CEP112: variants seen among roughly 807,000 people sequenced by gnomAD.
The protein encoded by CEP112 is centrosomal protein of 112 kDa.
In CEP112, 127 loss-of-function variants were observed where a neutral mutation model predicts 153.0. The observed-to-expected ratio is 0.83, with a 90% CI of 0.72 to 0.96. CEP112 has a LOEUF of 0.96. Among genes scored for constraint, CEP112 ranks in the 40% least tolerant of loss-of-function variants. The probability of loss-of-function intolerance (pLI) is 0.00; values close to 1 mark genes in which losing one functional copy is unlikely to be tolerated. For synonymous variants in CEP112, 358 were observed against 374.4 expected (o/e 0.96, Z 0.51); for missense variants, 1,089 against 1,101.2 (o/e 0.99, Z 0.16).
intron 18 of CEP112, among the ~76,000 whole-genome samples, chr17:65,949,375 A>T (rs1030688592): frequency 1.2e-4 from 18 of 152,196 alleles, no homozygotes; most frequent in African/African-American, 4.3e-4. Flanking sequence ...AACAGAAGAC[A>T]ACCAAAATAA....
intron 21 of CEP112, among the ~76,000 whole-genome samples, chr17:65,807,601 C>T (rs1057512937): frequency 6.6e-6 from 1 of 152,178 alleles, no homozygotes; most frequent in Non-Finnish European, 1.5e-5. Context: ...GGGGACATGG[C>T]ACCCTGTATC....
In CEP112 at chr17:66,078,616, G is replaced by A. The variant is rs774748343; in HGVS notation, c.769-8615C>T. ...TTACATGCAATGTTAGTATTGAAAT[G>A]TGAGGTACCATTGCATTCATCATGC... On this transcript the variant is annotated intron_variant, in intron 8 of 26. Transcript: ENST00000535342. Among the ~76,000 whole-genome samples the A allele has an allele frequency of 1.6e-4, 25 of 152,286 alleles. No individual in the cohort carries two copies. The South Asian group carries it at 3.1e-3, about 19-fold the overall frequency.
intron 21 of CEP112, among the ~76,000 whole-genome samples, chr17:65,837,485 C>A (rs1316417178): frequency 6.6e-6 from 1 of 151,900 alleles, no homozygotes; most frequent in Non-Finnish European, 1.5e-5. Flanking sequence ...AGTGTCTCTG[C>A]CCCGCTGCCA....
intron 24 of CEP112, chr17:65,655,158 G>A (rs917575356): frequency 1.3e-6 from 1 of 752,564 alleles, no homozygotes; most frequent in South Asian, 1.3e-5. Flanking sequence ...AATTAAAAGT[G>A]TATGTAGGCA....
intron 12 of CEP112, among the ~76,000 whole-genome samples, chr17:66,035,008 A>ATATTTTTTT (rs1454121288): frequency 1.4e-5 from 1 of 72,350 alleles, no homozygotes; most frequent in Non-Finnish European, 2.7e-5. Context: ...ATATATATAT[A>ATATTTTTTT]TTTTTTTTTT....
At chr17:66,186,070 T>A (rs1445001722) in intron 1 of CEP112, among the ~76,000 whole-genome samples, 1 of 151,908 alleles carries the variant, frequency 6.6e-6, no homozygotes, top group Non-Finnish European at 1.5e-5. Flanking sequence ...TCATGCATCC[T>A]CTGTAGTCTT....
At chr17:66,144,893 T>C (rs2070857317) in intron 4 of CEP112, among the ~76,000 whole-genome samples, 1 of 152,154 alleles carries the variant, frequency 6.6e-6, no homozygotes, top group South Asian at 2.1e-4. Flanking sequence ...TATCTAGGAA[T>C]AGAATTGCTG....
Position 65,667,825 on chromosome 17 carries a change from T to C in CEP112, c.2697+21304A>G, listed in dbSNP as rs184781054. Among the ~76,000 whole-genome samples the C allele has an allele frequency of 9.7e-3, 1,470 of 151,776 alleles. 8 individuals carry two copies. The highest frequency in any genetic ancestry group is 0.017 in the Middle Eastern group (5 of 290). On this transcript the variant is annotated intron_variant, in intron 24 of 26. Coordinates refer to ENST00000535342, the MANE Select transcript of CEP112 (RefSeq NM_001199165.4). ...ACAGCAGGACCCATGGAAGCTCACC[T>C]AGCAGTGACGTCTGACCTGCAGCAG...
At chr17:65,854,865 G>A (rs368697939) in intron 20 of CEP112, among the ~76,000 whole-genome samples, 5 of 152,098 alleles carry the variant, frequency 3.3e-5, no homozygotes, top group East Asian at 3.9e-4. Flanking sequence ...GATAGTCAAT[G>A]CAATCAGATT....
intron 21 of CEP112, among the ~76,000 whole-genome samples, chr17:65,834,398 A>G (rs1487871691): frequency 6.6e-6 from 1 of 152,184 alleles, no homozygotes; most frequent in Non-Finnish European, 1.5e-5. Context: ...AGAAACTATC[A>G]ACAGAGTAAA....
At chr17:65,999,197 C>CTTTTT (rs34483996) in intron 17 of CEP112, among the ~76,000 whole-genome samples, 1 of 132,050 alleles carries the variant, frequency 7.6e-6, no homozygotes, top group Non-Finnish European at 1.6e-5. Flanking sequence ...TTACTAAATT[C>CTTTTT]TTTTTTTTTT....
rs150771183 is a variant in CEP112, at chr17:65,703,880, G to C, written c.2608-14662C>G. On this transcript the variant is annotated intron_variant, in intron 23 of 26. Coordinates refer to ENST00000535342, the MANE Select transcript of CEP112 (RefSeq NM_001199165.4). ...TTCAACAGTCATAATGATTCCGAAG[G>C]CTTCCCTATTAGAATGTGGAGCCAA... Among the ~76,000 whole-genome samples, 246 of 151,706 alleles carry C rather than the reference G, an allele frequency of 1.6e-3. 2 individuals are homozygous for C. The highest frequency in any genetic ancestry group is 5.6e-3 in the African/African-American group (231 of 41,312).
chr17:66,168,395 A>G (rs898815950), intron 4 of CEP112, among the ~76,000 whole-genome samples: 1 of 143,074 alleles, frequency 7.0e-6, no homozygotes, highest in Non-Finnish European at 1.6e-5. Flanking sequence ...ATGTGTGTGT[A>G]TATATATGTG....
intron 8 of CEP112, among the ~76,000 whole-genome samples, chr17:66,076,364 G>A (rs556122400): frequency 5.3e-4 from 80 of 152,228 alleles, no homozygotes; most frequent in African/African-American, 1.8e-3. Context: ...GGGCTGCTAG[G>A]GGGACATGGT....
At chr17:65,976,946 C>T (rs1403629726) in intron 17 of CEP112, among the ~76,000 whole-genome samples, 1 of 151,996 alleles carries the variant, frequency 6.6e-6, no homozygotes, top group African/African-American at 2.4e-5. Context: ...ACCATGTTGG[C>T]CAGGCTGTCT....
chr17:65,714,809 T>C (rs1028150413), intron 23 of CEP112, among the ~76,000 whole-genome samples: 4 of 151,972 alleles, frequency 2.6e-5, no homozygotes, highest in Non-Finnish European at 5.9e-5. Context: ...CAGAAAAAAA[T>C]AGTCTACCCT....
At chr17:65,760,535 G>A (rs2052549721) in intron 21 of CEP112, among the ~76,000 whole-genome samples, 1 of 151,996 alleles carries the variant, frequency 6.6e-6, no homozygotes, top group African/African-American at 2.4e-5. Context: ...TCACACAGAT[G>A]CGATTGATTA....
At chr17:66,129,946 G>C in intron 5 of CEP112, 123 bp from the exon 6 acceptor site, 26 of 384,812 alleles carry the variant, frequency 6.8e-5, no homozygotes, top group East Asian at 2.1e-4. Context: ...GAGGAAGGAA[G>C]TAAAAAAGGA....
At chr17:65,846,273 T>TA (rs2057721288) in intron 21 of CEP112, among the ~76,000 whole-genome samples, 1 of 152,234 alleles carries the variant, frequency 6.6e-6, no homozygotes, top group South Asian at 2.1e-4. Flanking sequence ...AGCAGCTTGT[T>TA]AGTTTTATTC....
Sources: gnomAD v4.1 joint callset for allele counts (sites outside exome capture counted in the v4.1 genomes callset) on GRCh38, gnomAD v4.1.1 for gene constraint, MANE v1.5 for transcripts, NCBI Gene and HGNC (gene_info 2026-07-23, HGNC 2026-07-21) for gene names.